The following NPC1 variants were observed in gnomAD, a reference collection of about 807,000 sequenced individuals.
The protein encoded by NPC1 is NPC intracellular cholesterol transporter 1, also known as Niemann-Pick C1 protein.
NPC1 carries 85 observed loss-of-function variants against 140.4 expected under a neutral mutation model. The ratio of observed to expected loss-of-function variants is 0.61; its 90% CI spans 0.51 to 0.72. The LOEUF is 0.72. Among genes scored for constraint, NPC1 ranks in the 30% least tolerant of loss-of-function variants. NPC1 has a pLI of 0.00. For synonymous variants in NPC1, 656 were observed against 624.8 expected (o/e 1.05, Z -0.74); for missense variants, 1,504 against 1,623.8 (o/e 0.93, Z 1.27).
chr18:23,573,522 TC>T lies in NPC1; in HGVS notation c.109del (p.Asp37ThrfsTer22). The T allele has an allele frequency of 1.2e-6, 2 of 1,614,146 alleles. No homozygotes were observed. The highest frequency in any genetic ancestry group is 1.7e-6 in the Non-Finnish European group (2 of 1,180,014). ...AGAATATTCGCAATTGTACCTCTTGTCCCCATATGCAATTCCACACTCTCCA... is the reference window on the plus strand; with the variant it reads ...AGAATATTCGCAATTGTACCTCTTGTCCCATATGCAATTCCACACTCTCCA... ...WYGECGIAYGDKRYNCEYSGP... is the reference protein window; with the variant it reads ...WYGECGIAYGXKRYNCEYSGP... On this transcript the variant is annotated frameshift_variant, in exon 2 of 25. Transcript: ENST00000269228. LOFTEE classifies it high-confidence loss of function.
In NPC1 at chr18:23,534,736, T is replaced by C. The variant is rs11659341; in HGVS notation, c.3478-177A>G. Among the ~76,000 whole-genome samples, 20,512 of 152,156 alleles carry C rather than the reference T, an allele frequency of 0.13. 1,643 individuals carry two copies. Among genetic ancestry groups the C allele is most frequent in the Middle Eastern group, 0.28 (83 of 292 alleles). On this transcript the variant is annotated intron_variant, in intron 22 of 24. Coordinates refer to ENST00000269228, the MANE Select transcript of NPC1 (RefSeq NM_000271.5). ...CCAATCTTACTGTACCAGGAACTTT[T>C]TGGGGCCCTCTCTACACACAGCCAA...
intron 9 of NPC1, 106 bp downstream of exon 9, chr18:23,554,652 G>A (rs543044535): frequency 1.3e-6 from 1 of 790,892 alleles, no homozygotes; most frequent in South Asian, 1.5e-5. Flanking sequence ...GCAAGGTCTT[G>A]TTGTTTGCTC....
intron 14 of NPC1, among the ~76,000 whole-genome samples, chr18:23,541,933 C>T (rs1478018670): frequency 6.6e-6 from 1 of 152,106 alleles, no homozygotes; most frequent in African/African-American, 2.4e-5. Context: ...CCTGTTTAGC[C>T]CACACTGTAT....
intron 1 of NPC1, among the ~76,000 whole-genome samples, chr18:23,574,300 C>A (rs2059244164): frequency 6.6e-6 from 1 of 152,186 alleles, no homozygotes; most frequent in Non-Finnish European, 1.5e-5. Context: ...CCAAAACGCA[C>A]CTGATCCTCT....
At chr18:23,520,296 A>G (rs1462137158), downstream of NPC1, 2 of 1,613,764 alleles carry the variant, frequency 1.2e-6, no homozygotes, top group African/African-American at 1.3e-5. Context: ...ATCCAGCCCT[A>G]TCAGATCCCC....
chr18:23,541,026 T>C lies in NPC1; in HGVS notation c.2514+42A>G, dbSNP rs760398958. 2.5e-6 allele frequency: 4 copies of C among 1,609,302 alleles called. No individual in the cohort carries two copies. In the South Asian group the frequency reaches 4.4e-5, roughly 18 times the overall value. On this transcript the variant is annotated intron_variant, in intron 16 of 24. Transcript: ENST00000269228. ...TTCTTAGAAGGCATGTGATAATCTG[T>C]TTCAGTGAGAGGAAAGAGAAAAACC...
At position 23,574,830 on chromosome 18, in the gene NPC1, C is replaced by T. The variant is rs76209219; in HGVS notation, c.58-1256G>A. Among the ~76,000 whole-genome samples the T allele has an allele frequency of 3.5e-3, 529 of 152,234 alleles. 4 individuals carry two copies. Among genetic ancestry groups the T allele is most frequent in the African/African-American group, 0.012 (514 of 41,534 alleles). On this transcript the variant is annotated intron_variant, in intron 1 of 24. Transcript: ENST00000269228. ...ACATATGAACCCTGTGCCAAGATTC[C>T]ACCACTATTTTTATATAAAGAGAAT...
At chr18:23,518,919 G>A (rs2058076289), downstream of NPC1, 2 of 1,614,112 alleles carry the variant, frequency 1.2e-6, no homozygotes, top group Non-Finnish European at 8.5e-7. Flanking sequence ...CTCTTCTTGA[G>A]GCATCATTCT....
At chr18:23,558,071 C>T (rs2058980890) in intron 6 of NPC1, among the ~76,000 whole-genome samples, 1 of 152,006 alleles carries the variant, frequency 6.6e-6, no homozygotes, top group South Asian at 2.1e-4. Flanking sequence ...GCTTTCTGTA[C>T]AGAAGTCCAG....
rs761452493 is a variant in NPC1 at position 23,572,094 on chromosome 18, C to A, written c.267G>T (p.Leu89=). ...CCTACCTGGACAGAAACTGTAGAGG[C>A]AGCTGCAGGTTGTCTTTTAGTGTCT... The part of the protein sequence containing the change: ...QLQTLKDNLQ[L]PLQFLSRCPS... The change falls in exon 3 of 25, where the codon CTG becomes CTT. Residue 89 remains leucine (L), a synonymous_variant. Coordinates refer to ENST00000269228, the MANE Select transcript of NPC1 (RefSeq NM_000271.5). 1 of 1,613,558 alleles carries A rather than the reference C, an allele frequency of 6.2e-7. No individual in the cohort carries two copies.
intron 21 of NPC1, 92 bp from the exon 22 acceptor site, chr18:23,535,792 C>A (rs769628738): frequency 1.2e-5 from 10 of 845,826 alleles, no homozygotes; most frequent in Non-Finnish European, 1.8e-5. Context: ...GGTCAGACTC[C>A]TTTGGGAAAC....
At chr18:23,555,204 C>T (rs556178864) in intron 8 of NPC1, among the ~76,000 whole-genome samples, 2 of 152,306 alleles carry the variant, frequency 1.3e-5, no homozygotes, top group Admixed American at 1.3e-4. Context: ...ACAGAGGCGG[C>T]GAGGGGTAGG....
At chr18:23,541,791 A>G (rs1378342950) in intron 14 of NPC1, among the ~76,000 whole-genome samples, 1 of 152,172 alleles carries the variant, frequency 6.6e-6, no homozygotes, top group African/African-American at 2.4e-5. Flanking sequence ...AATGGACAGT[A>G]TTTTCCATTT....
rs779729326 is a variant in NPC1, at chr18:23,541,362, G to T, written c.2317C>A (p.Leu773Ile). Reference sequence around the variant, plus strand: ...CTCACGAAACAGGTAATCTGCAGAAGAAAGTCAATGAAGACTGCCAATCCC... The same window carrying T: ...CTCACGAAACAGGTAATCTGCAGAATAAAGTCAATGAAGACTGCCAATCCC... ...FAGLAVFIDF[L>I]LQITCFVSLL... The change falls in exon 15 of 25, where the codon CTT becomes ATT. Residue 773 changes from leucine (L) to isoleucine (I), a missense_variant. Coordinates refer to ENST00000269228, the MANE Select transcript of NPC1 (RefSeq NM_000271.5). The T allele has an allele frequency of 6.2e-7, 1 of 1,614,226 alleles. No homozygotes were observed.
intron 14 of NPC1, 98 bp from the exon 15 acceptor site, chr18:23,541,531 C>A: frequency 6.6e-7 from 1 of 1,523,922 alleles, no homozygotes; most frequent in Non-Finnish European, 9.0e-7. Context: ...AAGGAGCCAG[C>A]ACAGGCCAAA....
chr18:23,508,806 T>C (rs2057777027), intron 3 of NPC1: 1 of 152,476 alleles, frequency 6.6e-6, no homozygotes, highest in African/African-American at 2.4e-5. Context: ...CAACCCATTT[T>C]AGTCAACACT....
chr18:23,527,223 C>CAAAA (rs386387173), downstream of NPC1, among the ~76,000 whole-genome samples: 102 of 43,638 alleles, frequency 2.3e-3, 4 homozygotes, highest in Non-Finnish European at 3.8e-3. Flanking sequence ...CCTGTCTCTA[C>CAAAA]AAAAAAAAAA....
intron 9 of NPC1, among the ~76,000 whole-genome samples, chr18:23,552,624 G>GGCAGTGCAGT (rs2058890248): frequency 6.6e-6 from 1 of 152,252 alleles, no homozygotes; most frequent in East Asian, 1.9e-4. Flanking sequence ...AGAGGCAACT[G>GGCAGTGCAGT]GCAGTGCAGT....
downstream of NPC1, chr18:23,530,300 A>G: frequency 6.2e-7 from 1 of 1,614,204 alleles, no homozygotes; most frequent in Non-Finnish European, 8.5e-7. Context: ...TGCTGAAGGT[A>G]ACTCTGATGT....
Sources: allele counts gnomAD v4.1 joint callset (sites outside exome capture counted in the v4.1 genomes callset), GRCh38; gene constraint gnomAD v4.1.1; transcripts MANE v1.5; gene names NCBI Gene and HGNC (gene_info 2026-07-23, HGNC 2026-07-21).